The following CWF19L2 variants were observed in gnomAD, a reference collection of about 807,000 sequenced individuals.
CWF19L2 encodes the protein CWF19 like cell cycle control factor 2.
Under a neutral mutation model 111.7 loss-of-function variants are expected in CWF19L2, and 98 were observed. The ratio of observed to expected loss-of-function variants is 0.88; its 90% CI spans 0.75 to 1.04. The LOEUF (loss-of-function observed/expected upper bound fraction) is 1.04, where lower values mean the gene tolerates loss of function less well. Ranked by LOEUF, CWF19L2 falls within the 50% of genes least tolerant of loss-of-function variation. CWF19L2 has a pLI of 0.00. For synonymous variants in CWF19L2, 351 were observed against 342.9 expected (o/e 1.02, Z -0.26); for missense variants, 1,101 against 1,051.4 (o/e 1.05, Z -0.65).
intron 10 of CWF19L2, among the ~76,000 whole-genome samples, chr11:107,413,013 C>A (rs1016137167): frequency 3.3e-5 from 5 of 152,152 alleles, no homozygotes; most frequent in Admixed American, 6.6e-5. Context: ...GGATTTAGTA[C>A]AGTGAAAATA....
intron 10 of CWF19L2, among the ~76,000 whole-genome samples, chr11:107,413,655 T>A (rs1253192778): frequency 6.6e-6 from 1 of 152,210 alleles, no homozygotes; most frequent in Non-Finnish European, 1.5e-5. Context: ...ATCGTCCCAG[T>A]CCCTGCTTTT....
chr11:107,430,474 C>T (rs903181018), intron 7 of CWF19L2, among the ~76,000 whole-genome samples: 16 of 151,986 alleles, frequency 1.1e-4, no homozygotes, highest in African/African-American at 3.9e-4. Context: ...TTCAAAAATG[C>T]AGGGAATCAG....
chr11:107,382,232 TAAAC>T (rs1860697516), intron 12 of CWF19L2, among the ~76,000 whole-genome samples: 1 of 152,172 alleles, frequency 6.6e-6, no homozygotes, highest in African/African-American at 2.4e-5. Flanking sequence ...CAAATAGCAA[TAAAC>T]GATACATGGA....
chr11:107,392,040 T>C (rs1393094730), intron 11 of CWF19L2, among the ~76,000 whole-genome samples: 1 of 152,148 alleles, frequency 6.6e-6, no homozygotes, highest in Non-Finnish European at 1.5e-5. Context: ...ATTCTCCTCC[T>C]GCACCTCCTC....
chr11:107,420,945 C>T (rs948926317), intron 8 of CWF19L2, among the ~76,000 whole-genome samples: 4 of 151,470 alleles, frequency 2.6e-5, no homozygotes, highest in Admixed American at 6.6e-5. Context: ...AACTAACATG[C>T]CCAAATGGAC....
intron 12 of CWF19L2, among the ~76,000 whole-genome samples, chr11:107,381,804 T>A (rs563928998): frequency 1.1e-4 from 16 of 152,118 alleles, no homozygotes; most frequent in Non-Finnish European, 2.2e-4. Context: ...AAAGACTACT[T>A]CCGGGGAAAA....
intron 8 of CWF19L2, among the ~76,000 whole-genome samples, chr11:107,425,758 C>T (rs1190952593): frequency 6.6e-6 from 1 of 151,858 alleles, no homozygotes; most frequent in African/African-American, 2.4e-5. Context: ...TTCTGGGCTA[C>T]AGTAACAAAC....
chr11:107,416,777 A>G (rs1028525305), intron 9 of CWF19L2, among the ~76,000 whole-genome samples: 2 of 152,232 alleles, frequency 1.3e-5, no homozygotes, highest in African/African-American at 4.8e-5. Flanking sequence ...GCAATAAACC[A>G]TGAAGTAATA....
At chr11:107,439,206 G>A (rs755634684) in intron 5 of CWF19L2, 23 bp from the exon 6 acceptor site, 2 of 1,441,926 alleles carry the variant, frequency 1.4e-6, no homozygotes, top group South Asian at 1.2e-5. Context: ...ATTTTCAGAG[G>A]TGAAATTTCA....
chr11:107,387,157 A>T (rs552190176), intron 12 of CWF19L2, among the ~76,000 whole-genome samples: 33 of 152,086 alleles, frequency 2.2e-4, no homozygotes, highest in African/African-American at 8.0e-4. Flanking sequence ...CGGGCATTTC[A>T]TACTTCACAC....
chr11:107,343,078 AC>A (rs1178732737), intron 14 of CWF19L2, among the ~76,000 whole-genome samples: 1 of 152,204 alleles, frequency 6.6e-6, no homozygotes, highest in Non-Finnish European at 1.5e-5. Context: ...ATACACTTCT[AC>A]AGTTTTAAGG....
At position 107,441,409 on chromosome 11, in the gene CWF19L2, T is replaced by C. The variant is rs1861616536; in HGVS notation, c.570+94A>G. 1.2e-5 allele frequency: 13 copies of C among 1,041,162 alleles called. No homozygotes were observed. In the South Asian group the frequency reaches 2.6e-4, roughly 21 times the overall value. The allele number at this position is 1,041,162 out of a possible 1,614,324, so 64.5% of individuals were successfully genotyped here. ...GTATTAAATACTATAAAAAATAAAATGGTATTTTACAAGTTAAACTGCATT... is the reference window on the plus strand; with the variant it reads ...GTATTAAATACTATAAAAAATAAAACGGTATTTTACAAGTTAAACTGCATT... On this transcript the variant is annotated intron_variant, in intron 5 of 17. Coordinates refer to ENST00000282251, the MANE Select transcript of CWF19L2 (RefSeq NM_152434.3).
chr11:107,390,017 G>C, intron 12 of CWF19L2, 57 bp downstream of exon 12: 1 of 1,477,684 alleles, frequency 6.8e-7, no homozygotes, highest in Non-Finnish European at 9.4e-7. Context: ...GCAGATCACT[G>C]TTACACTGAA....
At chr11:107,335,846 C>G (rs1205217659) in intron 15 of CWF19L2, among the ~76,000 whole-genome samples, 1 of 152,120 alleles carries the variant, frequency 6.6e-6, no homozygotes, top group African/African-American at 2.4e-5. Flanking sequence ...GTGCTATTAC[C>G]TATTTAAAAG....
intron 10 of CWF19L2, among the ~76,000 whole-genome samples, chr11:107,400,895 G>A (rs1860989579): frequency 6.6e-6 from 1 of 152,214 alleles, no homozygotes; most frequent in Admixed American, 6.5e-5. Flanking sequence ...TACCAGGGAT[G>A]TAGGGATGGT....
intron 15 of CWF19L2, 51 bp downstream of exon 15, chr11:107,336,507 A>T: frequency 7.3e-7 from 1 of 1,376,130 alleles, no homozygotes; most frequent in Non-Finnish European, 1.0e-6. Context: ...TATTTGTAAA[A>T]TAGCACTATA....
chr11:107,343,134 T>A (rs772096218), intron 14 of CWF19L2, among the ~76,000 whole-genome samples: 13 of 152,210 alleles, frequency 8.5e-5, no homozygotes, highest in Non-Finnish European at 1.5e-4. Flanking sequence ...AGGAAACTAG[T>A]GCAATGGTGT....
chr11:107,406,381 G>C (rs902474415), intron 10 of CWF19L2, among the ~76,000 whole-genome samples: 4 of 151,934 alleles, frequency 2.6e-5, no homozygotes, highest in Non-Finnish European at 5.9e-5. Context: ...CATGGCTTTT[G>C]AATAATTTCT....
chr11:107,409,272 GTACCTGATTTATA>G (rs947115173), intron 10 of CWF19L2, among the ~76,000 whole-genome samples: 2 of 151,990 alleles, frequency 1.3e-5, no homozygotes, highest in African/African-American at 4.8e-5. Flanking sequence ...AACTAGTCAA[GTACCTGATTTATA>G]TACAAAATGA....
Sources: gnomAD v4.1 joint callset for allele counts (sites outside exome capture counted in the v4.1 genomes callset) on GRCh38, gnomAD v4.1.1 for gene constraint, MANE v1.5 for transcripts, NCBI Gene and HGNC (gene_info 2026-07-23, HGNC 2026-07-21) for gene names.